TAAR1: variants seen among roughly 807,000 people sequenced by gnomAD.
The protein encoded by TAAR1 is trace amine-associated receptor 1.
TAAR1 carries 1 observed loss-of-function variant against 1.2 expected under a neutral mutation model. The ratio of observed to expected loss-of-function variants is 0.81; its 90% CI spans 0.29 to 3.86. The LOEUF (loss-of-function observed/expected upper bound fraction) is 3.86, where lower values mean the gene tolerates loss of function less well. Among genes scored for constraint, TAAR1 ranks in the 30% most tolerant of loss-of-function variants. TAAR1 has a pLI of 0.18. For missense variants in TAAR1, 445 were observed against 405.6 expected (o/e 1.10, Z -0.83); for synonymous variants, 153 against 132.2 (o/e 1.16, Z -1.08).
At chr6:132,648,095 A>T (rs961541166) in intron 1 of TAAR1, among the ~76,000 whole-genome samples, 4 of 152,224 alleles carry the variant, frequency 2.6e-5, no homozygotes, top group African/African-American at 7.2e-5. Context: ...AATTACGATT[A>T]TGATTTCATT....
chr6:132,645,343 C>T lies in TAAR1; in HGVS notation c.661G>A (p.Ala221Thr). ...YRIYLIAKEQARLISDANQKL... is the reference protein window; with the variant it reads ...YRIYLIAKEQTRLISDANQKL... Reference sequence around the variant, plus strand: ...TGATTGGCATCACTAATTAATCTTGCCTGTTCTTTAGCGATAAGATATATT... The same window carrying T: ...TGATTGGCATCACTAATTAATCTTGTCTGTTCTTTAGCGATAAGATATATT... The change falls in exon 2 of 2, where the codon GCA (alanine) becomes ACA (threonine). Residue 221 changes from alanine (A) to threonine (T), a missense_variant. Ala to Thr is a moderately conservative substitution (Grantham distance 58). Coordinates refer to ENST00000275216, the MANE Select transcript of TAAR1 (RefSeq NM_138327.4). 1 of 1,613,440 alleles carries T rather than the reference C, an allele frequency of 6.2e-7. No individual in the cohort carries two copies. Among genetic ancestry groups the T allele is most frequent in the Non-Finnish European group, 8.5e-7 (1 of 1,179,732 alleles).
In TAAR1 at chr6:132,648,734, C is replaced by A. The variant is rs76130324; in HGVS notation, c.-126-2605G>T. Among the ~76,000 whole-genome samples the A allele has an allele frequency of 3.9e-5, 6 of 152,254 alleles. No homozygotes were observed. In the East Asian group the frequency reaches 1.2e-3, roughly 29 times the overall value. ...CTATGACAACATTGTGAGTTGAAAG[C>A]TTATCTAAGGACCTGGCAAAATAGT... On this transcript the variant is annotated intron_variant, in intron 1 of 1. Coordinates refer to ENST00000275216, the MANE Select transcript of TAAR1 (RefSeq NM_138327.4).
At chr6:132,649,918 A>C (rs1395615402) in intron 1 of TAAR1, among the ~76,000 whole-genome samples, 2 of 151,324 alleles carry the variant, frequency 1.3e-5, no homozygotes, top group Non-Finnish European at 3.0e-5. Flanking sequence ...TGAAGATATG[A>C]GTTCCTGGCT....
rs1777652235 is a variant in TAAR1, at chr6:132,645,346, G to C, written c.658C>G (p.Gln220Glu). 1 of 1,613,232 alleles carries C rather than the reference G, an allele frequency of 6.2e-7. No individual in the cohort carries two copies. The highest frequency in any genetic ancestry group is 8.5e-7 in the Non-Finnish European group (1 of 1,179,718). The change falls in exon 2 of 2, where the codon CAG becomes GAG. Residue 220 changes from glutamine (Q) to glutamate (E), a missense_variant. Physicochemically the swap from Gln to Glu is conservative, Grantham distance 29. Transcript: ENST00000275216. ...TTGGCATCACTAATTAATCTTGCCT[G>C]TTCTTTAGCGATAAGATATATTCTG... ...YYRIYLIAKE[Q>E]ARLISDANQK...
intron 1 of TAAR1, among the ~76,000 whole-genome samples, chr6:132,646,860 TC>T (rs927032123): frequency 8.3e-4 from 126 of 152,298 alleles, no homozygotes; most frequent in African/African-American, 2.9e-3. Flanking sequence ...TAGTTCAGTT[TC>T]TTTGATATCA....
chr6:132,651,022 C>T (rs904713573), intron 1 of TAAR1, among the ~76,000 whole-genome samples: 3 of 152,156 alleles, frequency 2.0e-5, no homozygotes, highest in Non-Finnish European at 4.4e-5. Flanking sequence ...ATCATCAATA[C>T]TCCACCAAAA....
chr6:132,657,847 CT>C (rs1401574381), intron 1 of TAAR1, among the ~76,000 whole-genome samples: 4 of 151,938 alleles, frequency 2.6e-5, no homozygotes, highest in Non-Finnish European at 4.4e-5. Context: ...TTCTAAGTTT[CT>C]TTCTATGGGA....
At chr6:132,650,291 A>AAG (rs1777736356) in intron 1 of TAAR1, among the ~76,000 whole-genome samples, 1 of 152,092 alleles carries the variant, frequency 6.6e-6, no homozygotes, top group Non-Finnish European at 1.5e-5. Flanking sequence ...CTCTTTACTC[A>AAG]GTTTAGATTC....
At chr6:132,651,309 A>G (rs886595839) in intron 1 of TAAR1, among the ~76,000 whole-genome samples, 5 of 151,968 alleles carry the variant, frequency 3.3e-5, no homozygotes, top group Non-Finnish European at 4.4e-5. Context: ...CATAGTCTAC[A>G]CTCTGATGAG....
At chr6:132,647,906 G>A (rs1295286210) in intron 1 of TAAR1, among the ~76,000 whole-genome samples, 1 of 152,020 alleles carries the variant, frequency 6.6e-6, no homozygotes, top group African/African-American at 2.4e-5. Flanking sequence ...GTATGAAAAT[G>A]TATATTTTAA....
chr6:132,650,807 C>T (rs1777741036), intron 1 of TAAR1, among the ~76,000 whole-genome samples: 1 of 152,194 alleles, frequency 6.6e-6, no homozygotes, highest in Non-Finnish European at 1.5e-5. Context: ...CTCTCTCTCC[C>T]CTGCATCTTC....
In TAAR1 at chr6:132,645,077, A is replaced by G; in HGVS notation, c.927T>C (p.Pro309=). 3.7e-6 allele frequency: 6 copies of G among 1,611,008 alleles called. No homozygotes were observed. The highest frequency in any genetic ancestry group is 4.2e-6 in the Non-Finnish European group (5 of 1,179,024). Residue 309 remains proline, a synonymous_variant, in exon 2 of 2, where the codon CCT becomes CCC. Transcript: ENST00000275216. ...TCATCTTCAGTGCTTTTCTAAACCA[A>G]GGATAGAAAAATGCATAAACCATTG... is the stretch of plus-strand genomic sequence containing the variant. The part of the protein sequence containing the change: ...FNPMVYAFFY[P]WFRKALKMML...
intron 1 of TAAR1, among the ~76,000 whole-genome samples, chr6:132,658,125 A>G (rs1777827162): frequency 6.6e-6 from 1 of 152,158 alleles, no homozygotes; most frequent in Admixed American, 6.5e-5. Flanking sequence ...TTTTACTCCA[A>G]AACTATACTT....
At chr6:132,656,901 C>A (rs1264884599) in intron 1 of TAAR1, among the ~76,000 whole-genome samples, 2 of 151,984 alleles carry the variant, frequency 1.3e-5, no homozygotes, top group East Asian at 3.8e-4. Flanking sequence ...TATTTATGAC[C>A]ACCTGCTGAG....
At chr6:132,652,440 G>T (rs1367878358) in intron 1 of TAAR1, among the ~76,000 whole-genome samples, 1 of 150,810 alleles carries the variant, frequency 6.6e-6, no homozygotes, top group African/African-American at 2.4e-5. Flanking sequence ...CCTGGTAGCT[G>T]GGATTACAGG....
intron 1 of TAAR1, among the ~76,000 whole-genome samples, chr6:132,657,211 A>G (rs1777813701): frequency 6.6e-6 from 1 of 152,090 alleles, no homozygotes; most frequent in Non-Finnish European, 1.5e-5. Flanking sequence ...AAACTTCTTG[A>G]CTGGATGGAA....
At chr6:132,656,752 CA>C (rs760440692) in intron 1 of TAAR1, among the ~76,000 whole-genome samples, 2 of 152,158 alleles carry the variant, frequency 1.3e-5, no homozygotes, top group Non-Finnish European at 2.9e-5. Context: ...TAGCATAGGA[CA>C]TCTCCTCTGT....
At chr6:132,649,912 G>A (rs947348150) in intron 1 of TAAR1, among the ~76,000 whole-genome samples, 1 of 150,408 alleles carries the variant, frequency 6.6e-6, no homozygotes, top group African/African-American at 2.4e-5. Flanking sequence ...ACTTCTTGAA[G>A]ATATGAGTTC....
At chr6:132,647,703 AGAAG>A (rs1414594911) in intron 1 of TAAR1, among the ~76,000 whole-genome samples, 1 of 151,368 alleles carries the variant, frequency 6.6e-6, no homozygotes, top group Non-Finnish European at 1.5e-5. Flanking sequence ...AAGGAAGGAA[AGAAG>A]GAAGGAAGGA....
Sources: allele counts gnomAD v4.1 joint callset (sites outside exome capture counted in the v4.1 genomes callset), GRCh38; gene constraint gnomAD v4.1.1; transcripts MANE v1.5; gene names NCBI Gene and HGNC (gene_info 2026-07-23, HGNC 2026-07-21).